ZFAND3: variants seen among roughly 807,000 people sequenced by gnomAD.
ZFAND3 encodes the protein AN1-type zinc finger protein 3.
A neutral mutation model predicts 29.6 loss-of-function variants in ZFAND3; 10 were observed. That is an observed-to-expected ratio of 0.34 (90% CI 0.21 to 0.57). The LOEUF (loss-of-function observed/expected upper bound fraction) is 0.57, where lower values mean the gene tolerates loss of function less well. ZFAND3 is among the 20% of genes least tolerant of loss of function. ZFAND3 has a pLI of 0.86. For missense variants in ZFAND3, 230 were observed against 304.5 expected, an observed-to-expected ratio of 0.76 and a Z score of 1.82; for synonymous variants, 128 against 112.6, an observed-to-expected ratio of 1.14 and a Z score of -0.87.
intron 1 of ZFAND3, among the ~76,000 whole-genome samples, chr6:37,921,091 C>T (rs982811202): frequency 5.3e-5 from 8 of 152,036 alleles, no homozygotes; most frequent in Admixed American, 2.0e-4. Context: ...CACTCCTCGC[C>T]GCCTTCTCCT....
At chr6:38,053,363 C>T (rs530594372) in intron 2 of ZFAND3, among the ~76,000 whole-genome samples, 2 of 151,312 alleles carry the variant, frequency 1.3e-5, no homozygotes, top group South Asian at 4.2e-4. Context: ...CAGACTGAGC[C>T]GAGAGAGGAC....
At chr6:38,048,222 T>C (rs1763945806) in intron 2 of ZFAND3, among the ~76,000 whole-genome samples, 4 of 151,962 alleles carry the variant, frequency 2.6e-5, no homozygotes, top group Admixed American at 2.6e-4. Context: ...AGGATGGTCT[T>C]GAACTCCTGA....
At chr6:37,909,827 G>A (rs1217051416) in intron 1 of ZFAND3, among the ~76,000 whole-genome samples, 1 of 152,042 alleles carries the variant, frequency 6.6e-6, no homozygotes, top group Admixed American at 6.5e-5. Context: ...AGTAATTAAT[G>A]TGAAGCTCTT....
chr6:38,030,202 T>C (rs1763533378), intron 2 of ZFAND3, among the ~76,000 whole-genome samples: 1 of 151,060 alleles, frequency 6.6e-6, no homozygotes, highest in Admixed American at 6.6e-5. Flanking sequence ...TTTTTTGTTT[T>C]GTTTTGTAGA....
At chr6:37,966,699 A>G (rs1159030365) in intron 2 of ZFAND3, among the ~76,000 whole-genome samples, 5 of 152,168 alleles carry the variant, frequency 3.3e-5, no homozygotes, top group Admixed American at 3.3e-4. Flanking sequence ...TTTATTTTCT[A>G]CAAGAACACT....
chr6:38,126,094 C>G (rs1765629469), intron 5 of ZFAND3, among the ~76,000 whole-genome samples: 1 of 152,200 alleles, frequency 6.6e-6, no homozygotes. Context: ...GATCCATATT[C>G]TCTCCCACCC....
intron 2 of ZFAND3, among the ~76,000 whole-genome samples, chr6:38,042,984 TA>T (rs1054387402): frequency 1.3e-5 from 2 of 152,110 alleles, no homozygotes; most frequent in Admixed American, 6.5e-5. Context: ...TTTGCTCGGA[TA>T]AAAAAATAAT....
intron 2 of ZFAND3, among the ~76,000 whole-genome samples, chr6:38,027,176 G>A (rs1763467322): frequency 6.6e-6 from 1 of 152,228 alleles, no homozygotes; most frequent in African/African-American, 2.4e-5. Context: ...CTCTCAAAAT[G>A]AGGAATAGTT....
At chr6:37,842,257 A>G (rs1764092544) in intron 1 of ZFAND3, among the ~76,000 whole-genome samples, 1 of 152,152 alleles carries the variant, frequency 6.6e-6, no homozygotes, top group Non-Finnish European at 1.5e-5. Flanking sequence ...TATACTATGT[A>G]ATGCTACTCT....
intron 1 of ZFAND3, among the ~76,000 whole-genome samples, chr6:37,883,842 A>C (rs1303253611): frequency 6.9e-6 from 1 of 145,132 alleles, no homozygotes; most frequent in Admixed American, 6.7e-5. Context: ...GCCCGGCTTG[A>C]TGGATACCTT....
At chr6:38,012,426 T>C (rs1233572015) in intron 2 of ZFAND3, among the ~76,000 whole-genome samples, 2 of 148,884 alleles carry the variant, frequency 1.3e-5, no homozygotes, top group Admixed American at 1.4e-4. Flanking sequence ...TCACCCAGGC[T>C]GGAGTGCAGT....
chr6:37,834,934 C>T (rs533685906), intron 1 of ZFAND3, among the ~76,000 whole-genome samples: 4 of 151,030 alleles, frequency 2.6e-5, no homozygotes, highest in African/African-American at 7.3e-5. Flanking sequence ...ATGAGAGTTC[C>T]GGTTAGTCCA....
chr6:37,908,533 A>C (rs1309092730), intron 1 of ZFAND3, among the ~76,000 whole-genome samples: 1 of 86,786 alleles, frequency 1.2e-5, no homozygotes, highest in Admixed American at 1.0e-4. Flanking sequence ...TATAATTAAA[A>C]AAAAAAATTA....
intron 2 of ZFAND3, among the ~76,000 whole-genome samples, chr6:38,042,775 G>A (rs1763817105): frequency 6.6e-6 from 1 of 152,118 alleles, no homozygotes; most frequent in Non-Finnish European, 1.5e-5. Flanking sequence ...TAGGTTTATA[G>A]GGTGTATTTT....
At chr6:37,914,933 A>G (rs1205068166) in intron 1 of ZFAND3, among the ~76,000 whole-genome samples, 1 of 152,164 alleles carries the variant, frequency 6.6e-6, no homozygotes, top group East Asian at 1.9e-4. Context: ...GTTGAAGCCC[A>G]GCATTGACTT....
intron 2 of ZFAND3, among the ~76,000 whole-genome samples, chr6:38,013,827 A>G (rs1350416655): frequency 2.0e-5 from 3 of 152,232 alleles, no homozygotes; most frequent in Admixed American, 2.0e-4. Flanking sequence ...TTTTTAAAAA[A>G]GACACCCCAT....
Position 37,939,649 on chromosome 6 carries a change from A to G in ZFAND3, c.112+9650A>G, listed in dbSNP as rs561456418. On this transcript the variant is annotated intron_variant, in intron 2 of 5. Coordinates refer to ENST00000287218, the MANE Select transcript of ZFAND3 (RefSeq NM_021943.3). The stretch of plus-strand genomic sequence containing the variant: ...AATTTTATGCTGATGGTACACCTTT[A>G]TCAAAGCTTGGAGACTTCTAGTTTA... 7.3e-4 allele frequency among the ~76,000 whole-genome samples: 111 copies of G among 152,298 alleles called. 1 individual carries two copies. The South Asian group carries it at 0.011, about 16-fold the overall frequency.
intron 5 of ZFAND3, among the ~76,000 whole-genome samples, chr6:38,137,900 G>A (rs775902286): frequency 6.6e-6 from 1 of 152,208 alleles, no homozygotes; most frequent in African/African-American, 2.4e-5. Context: ...GAGTGGAGAC[G>A]CAGCAGGGAT....
chr6:38,078,404 T>C (rs1232845166), intron 3 of ZFAND3, among the ~76,000 whole-genome samples: 1 of 152,234 alleles, frequency 6.6e-6, no homozygotes, highest in Non-Finnish European at 1.5e-5. Flanking sequence ...CTGAATGTAA[T>C]ATCAAATGCA....
Sources: allele counts gnomAD v4.1 joint callset (sites outside exome capture counted in the v4.1 genomes callset), GRCh38; gene constraint gnomAD v4.1.1; transcripts MANE v1.5; gene names NCBI Gene and HGNC (gene_info 2026-07-23, HGNC 2026-07-21).